ZNF605: variants seen among roughly 807,000 people sequenced by gnomAD.
The protein encoded by ZNF605 is zinc finger protein 605.
In ZNF605, 9 loss-of-function variants were observed where a neutral mutation model predicts 7.9. That is an observed-to-expected ratio of 1.14 (90% confidence interval 0.68 to 1.98). ZNF605 has a LOEUF of 1.98. Ranked by LOEUF, ZNF605 falls within the 30% of genes most tolerant of loss-of-function variation. The probability of loss-of-function intolerance (pLI) is 0.00; values close to 1 mark genes in which losing one functional copy is unlikely to be tolerated. For synonymous variants in ZNF605, 255 were observed against 260.1 expected (o/e 0.98, Z 0.19); for missense variants, 673 against 762.4 (o/e 0.88, Z 1.38).
rs754522510 is a variant in ZNF605, at chr12:132,925,403, A to G, written c.1896T>C (p.Leu632=). 1 of 1,604,218 alleles carries G rather than the reference A, an allele frequency of 6.2e-7. No individual in the cohort carries two copies. Among genetic ancestry groups the G allele is most frequent in the South Asian group, 1.1e-5 (1 of 89,644 alleles). The stretch of plus-strand genomic sequence containing the variant: ...TTATATGATTTCTCTGATGTATCAT[A>G]AGCTGCGACTTCCTGTTGAAGGTGG... ...CGTTFNRKSQ[L]MIHQRNHII is the part of the protein sequence containing the mutation. The change falls in exon 5 of 5, where the codon CTT becomes CTC. Residue 632 remains leucine (L), a synonymous_variant. Coordinates refer to ENST00000360187, the MANE Select transcript of ZNF605 (RefSeq NM_183238.4).
At chr12:132,953,181 C>T (rs1952590806) in intron 1 of ZNF605, among the ~76,000 whole-genome samples, 1 of 152,218 alleles carries the variant, frequency 6.6e-6, no homozygotes, top group South Asian at 2.1e-4. Flanking sequence ...TCACTCACCC[C>T]ATGTGCCCCC....
chr12:132,938,678 A>G, intron 3 of ZNF605, among the ~76,000 whole-genome samples: 2 of 151,874 alleles, frequency 1.3e-5, no homozygotes, highest in Non-Finnish European at 2.9e-5. Flanking sequence ...TCAGTCCCCC[A>G]CTGCACTGTG....
rs1169532229 is a variant in ZNF605, at chr12:132,919,297, C to A, written c.*6076G>T. The A allele has an allele frequency of 6.6e-6, 1 of 151,712 alleles. No individual in the cohort carries two copies. Among genetic ancestry groups the A allele is most frequent in the Non-Finnish European group, 1.5e-5 (1 of 68,000 alleles). 9.4% of individuals were successfully genotyped at this position (151,712 alleles called of 1,614,324 possible). On this transcript the variant is annotated 3_prime_UTR_variant, in exon 5 of 5. Coordinates refer to ENST00000360187, the MANE Select transcript of ZNF605 (RefSeq NM_183238.4). ...CCCAGGCTGGCCTCAAACTCTTGGG[C>A]TCAAGCTCTCCTCTCCTCCCAGCTG...
rs1952486703 is a variant in ZNF605, at chr12:132,945,560, A to G, written c.15+61T>C. 3.2e-5 allele frequency: 20 copies of G among 617,326 alleles called. 1 individual carries two copies. In the South Asian group the frequency reaches 4.0e-4, roughly 12 times the overall value. 38.2% of individuals were successfully genotyped at this position (617,326 alleles called of 1,614,324 possible). ...ATCATTTTCATGAAACAGAGGATAA[A>G]CCGATAACCCACCTGTGACTGGATC... On this transcript the variant is annotated intron_variant, in intron 3 of 4. Coordinates refer to ENST00000360187, the MANE Select transcript of ZNF605 (RefSeq NM_183238.4).
chr12:132,951,399 T>C (rs1165737805), intron 1 of ZNF605, among the ~76,000 whole-genome samples: 9 of 107,828 alleles, frequency 8.3e-5, no homozygotes, highest in African/African-American at 4.6e-4. Flanking sequence ...CACAGATACG[T>C]ACATCACACA....
chr12:132,955,428 T>C (rs1952626304), intron 1 of ZNF605, among the ~76,000 whole-genome samples: 2 of 152,170 alleles, frequency 1.3e-5, no homozygotes, highest in Admixed American at 1.3e-4. Flanking sequence ...AGGAGCATTT[T>C]GCTCCGACCG....
At chr12:132,928,717 T>C (rs1044822567) in intron 4 of ZNF605, among the ~76,000 whole-genome samples, 1 of 152,150 alleles carries the variant, frequency 6.6e-6, no homozygotes, top group Non-Finnish European at 1.5e-5. Context: ...TGGTCTCAAA[T>C]ATAAAACGAG....
intron 1 of ZNF605, among the ~76,000 whole-genome samples, chr12:132,951,822 A>G (rs978533529): frequency 6.6e-6 from 1 of 151,926 alleles, no homozygotes; most frequent in East Asian, 1.9e-4. Flanking sequence ...ACATACACAT[A>G]CACCACACAT....
intron 3 of ZNF605, among the ~76,000 whole-genome samples, chr12:132,942,318 G>A (rs963739768): frequency 9.2e-5 from 14 of 152,150 alleles, no homozygotes; most frequent in East Asian, 3.9e-4. Flanking sequence ...GGACTGTGGC[G>A]GCTGTGGACT....
chr12:132,954,147 G>A (rs1479288238), intron 1 of ZNF605, among the ~76,000 whole-genome samples: 1 of 151,424 alleles, frequency 6.6e-6, no homozygotes, highest in Non-Finnish European at 1.5e-5. Flanking sequence ...TCACAGGCCA[G>A]GCAGAGTTAT....
chr12:132,945,746 G>T lies in ZNF605; in HGVS notation c.-111C>A. On this transcript the variant is annotated 5_prime_UTR_variant, in exon 3 of 5. Transcript: ENST00000360187. ...ACTGAGAATACATCCTTGGTCTTGT[G>T]GGCTCTTCTTTCTTATCTCACATGA... 6.7e-7 allele frequency: 1 copy of T among 1,491,076 alleles called. No individual in the cohort carries two copies. The highest frequency in any genetic ancestry group is 9.4e-7 in the Non-Finnish European group (1 of 1,068,608). The allele number at this position is 1,491,076 out of a possible 1,614,324, so 92.4% of individuals were successfully genotyped here.
At position 132,925,248 on chromosome 12, in the gene ZNF605, C is replaced by T. The variant is rs553077344; in HGVS notation, c.*125G>A. 1.5e-6 allele frequency: 1 copy of T among 677,746 alleles called. No homozygotes were observed. The highest frequency in any genetic ancestry group is 2.4e-6 in the Non-Finnish European group (1 of 419,826). The allele number at this position is 677,746 out of a possible 1,614,324, so 42.0% of individuals were successfully genotyped here. On this transcript the variant is annotated 3_prime_UTR_variant, in exon 5 of 5. Transcript: ENST00000360187. ...AAATTCTGCTTAGTGACTCTTGACT[C>T]CTCAATTCAAGCTTTTTCAACAGTC... is the stretch of plus-strand genomic sequence containing the variant.
Position 132,926,570 on chromosome 12 carries a change from A to C in ZNF605, c.729T>G (p.His243Gln). 6.2e-7 allele frequency: 1 copy of C among 1,614,160 alleles called. No individual in the cohort carries two copies. The highest frequency in any genetic ancestry group is 8.5e-7 in the Non-Finnish European group (1 of 1,180,034). ...AFSRKSLLIL[H>Q]QRIHTGEKPY... is the part of the protein sequence containing the mutation. ...GCTTCTCTCCAGTATGAATTCTCTGATGTAAAATGAGGAGTGACTTCCTAC... is the reference window on the plus strand; with the variant it reads ...GCTTCTCTCCAGTATGAATTCTCTGCTGTAAAATGAGGAGTGACTTCCTAC... Residue 243 changes from histidine (H) to glutamine (Q), a missense_variant, in exon 5 of 5, where the codon CAT (histidine) becomes CAG (glutamine). Coordinates refer to ENST00000360187, the MANE Select transcript of ZNF605 (RefSeq NM_183238.4).
Position 132,925,817 on chromosome 12 carries a change from A to C in ZNF605, c.1482T>G (p.His494Gln), listed in dbSNP as rs1299454083. 1 of 1,614,116 alleles carries C rather than the reference A, an allele frequency of 6.2e-7. No homozygotes were observed. Among genetic ancestry groups the C allele is most frequent in the Non-Finnish European group, 8.5e-7 (1 of 1,180,014 alleles). Residue 494 changes from histidine (H) to glutamine (Q), a missense_variant, in exon 5 of 5, where the codon CAT (histidine) becomes CAG (glutamine). His to Gln is a conservative substitution (Grantham distance 24). Coordinates refer to ENST00000360187, the MANE Select transcript of ZNF605 (RefSeq NM_183238.4). ...TTTCTCCAGTATGGGTTCTCTGATG[A>C]TGAATGAGACTTGACTTCTCACTGA... ...KTFSEKSSLIHHQRTHTGEKP... is the reference protein window; with the variant it reads ...KTFSEKSSLIQHQRTHTGEKP...
Position 132,933,244 on chromosome 12 carries a change from T to C in ZNF605, c.16-89A>G, listed in dbSNP as rs1323806278. 57 of 1,443,192 alleles carry C rather than the reference T, an allele frequency of 3.9e-5. No homozygotes were observed. Among genetic ancestry groups the C allele is most frequent in the Admixed American group, 1.1e-4 (5 of 46,358 alleles). 89.4% of individuals were successfully genotyped at this position (1,443,192 alleles called of 1,614,324 possible). On this transcript the variant is annotated intron_variant, in intron 3 of 4. Transcript: ENST00000360187. The surrounding 1 kb of genome is among the most constrained non-coding windows in gnomAD (Gnocchi z 4.4). Reference sequence around the variant, plus strand: ...TTCTGTATTTGTGGTAGGTGGCCTCTAAGATGGCCCCAGTGACCTCTGACT... The same window carrying C: ...TTCTGTATTTGTGGTAGGTGGCCTCCAAGATGGCCCCAGTGACCTCTGACT...
In ZNF605 at chr12:132,926,772, C is replaced by T; in HGVS notation, c.527G>A (p.Arg176Lys). 2 of 1,613,862 alleles carry T rather than the reference C, an allele frequency of 1.2e-6. No individual in the cohort carries two copies. Among genetic ancestry groups the T allele is most frequent in the Non-Finnish European group, 1.7e-6 (2 of 1,179,790 alleles). Residue 176 changes from arginine (R) to lysine (K), a missense_variant, in exon 5 of 5, where the codon AGA (arginine) becomes AAA (lysine). Arg to Lys is a conservative substitution (Grantham distance 26). Coordinates refer to ENST00000360187, the MANE Select transcript of ZNF605 (RefSeq NM_183238.4). ...AAGTTGTGACTTCTTGTTAAAAAAT[C>T]TGCCACATTCCATGCATAAATAGAC... Reference protein sequence around the residue: ...TGVYLCMECGRFFNKKSQLVI... With the variant: ...TGVYLCMECGKFFNKKSQLVI...
At chr12:132,945,311 C>T in intron 3 of ZNF605, 1 of 996,630 alleles carries the variant, frequency 1.0e-6, no homozygotes, top group Non-Finnish European at 1.6e-6. Flanking sequence ...CTTTGGACAT[C>T]TTCTTTCCCA....
intron 1 of ZNF605, among the ~76,000 whole-genome samples, chr12:132,950,632 CCT>C (rs1952548817): frequency 6.6e-6 from 1 of 151,308 alleles, no homozygotes; most frequent in Middle Eastern, 3.2e-3. Context: ...ACACAGACAC[CCT>C]GAGTACATCG....
intron 1 of ZNF605, among the ~76,000 whole-genome samples, chr12:132,954,524 A>C (rs1365430059): frequency 4.2e-5 from 4 of 94,718 alleles, no homozygotes. Context: ...CACTCACTTC[A>C]TCAGGTGCCC....
Sources: allele counts gnomAD v4.1 joint callset (sites outside exome capture counted in the v4.1 genomes callset), GRCh38; gene constraint gnomAD v4.1.1; non-coding constraint Gnocchi (gnomAD v3.1); transcripts MANE v1.5; gene names NCBI Gene and HGNC (gene_info 2026-07-23, HGNC 2026-07-21).